The following THSD7B variants were observed in gnomAD, a reference collection of about 807,000 sequenced individuals.
THSD7B encodes thrombospondin type-1 domain-containing protein 7B.
In THSD7B, 138 loss-of-function variants were observed where a neutral mutation model predicts 213.6. The observed-to-expected ratio is 0.65, with a 90% confidence interval of 0.56 to 0.74. THSD7B has a LOEUF of 0.74. Ranked by LOEUF, THSD7B falls within the 30% of genes least tolerant of loss-of-function variation. The pLI, the probability that THSD7B is intolerant of heterozygous loss-of-function variation, is 0.00. For synonymous variants in THSD7B, 742 were observed against 687.0 expected (o/e 1.08, Z -1.25); for missense variants, 1,931 against 1,991.5 (o/e 0.97, Z 0.58).
intron 14 of THSD7B, among the ~76,000 whole-genome samples, chr2:137,443,807 G>T (rs145676103): frequency 6.6e-6 from 1 of 152,114 alleles, no homozygotes; most frequent in African/African-American, 2.4e-5. Flanking sequence ...GATTTTCCTG[G>T]TGGATGTAAT....
chr2:137,183,434 G>A (rs1680491932), intron 7 of THSD7B, among the ~76,000 whole-genome samples: 1 of 152,156 alleles, frequency 6.6e-6, no homozygotes, highest in Non-Finnish European at 1.5e-5. Flanking sequence ...CAAGAGTGGA[G>A]TGTCTGGTAA....
chr2:137,150,971 G>A lies in THSD7B; in HGVS notation c.1370-9242G>A, dbSNP rs140658875. Among the ~76,000 whole-genome samples, 561 of 152,250 alleles carry A rather than the reference G, an allele frequency of 3.7e-3. 6 individuals carry two copies. The highest frequency in any genetic ancestry group is 5.8e-3 in the Admixed American group (89 of 15,296). On this transcript the variant is annotated intron_variant, in intron 5 of 27. Coordinates refer to ENST00000409968, the MANE Select transcript of THSD7B (RefSeq NM_001316349.2). ...TTAAAACCCGGCACATCTGTGTAGG[G>A]CACTTACATGAATTGGGCTCGTAGG...
chr2:137,565,392 A>T (rs1230016855), intron 16 of THSD7B, among the ~76,000 whole-genome samples: 1 of 152,148 alleles, frequency 6.6e-6, no homozygotes, highest in African/African-American at 2.4e-5. Flanking sequence ...ACATGGTTGG[A>T]AAGTAGAAGG....
chr2:137,586,206 C>T (rs1681722579), intron 17 of THSD7B, among the ~76,000 whole-genome samples: 1 of 152,172 alleles, frequency 6.6e-6, no homozygotes, highest in African/African-American at 2.4e-5. Flanking sequence ...TCCTCCATCC[C>T]TTTCTTTTGA....
At chr2:137,410,272 T>C (rs961178718) in intron 13 of THSD7B, among the ~76,000 whole-genome samples, 1 of 152,168 alleles carries the variant, frequency 6.6e-6, no homozygotes, top group South Asian at 2.1e-4. Context: ...GAAATTCTTT[T>C]TTTTTTTCTT....
intron 12 of THSD7B, among the ~76,000 whole-genome samples, chr2:137,331,880 C>T (rs946218802): frequency 3.3e-5 from 5 of 152,244 alleles, no homozygotes; most frequent in South Asian, 2.1e-4. Context: ...CCGGGGCCGG[C>T]GGGGCCGGCC....
intron 2 of THSD7B, among the ~76,000 whole-genome samples, chr2:136,890,314 T>C (rs71348720): frequency 6.4e-3 from 9 of 1,412 alleles, no homozygotes; most frequent in Admixed American, 0.021. Flanking sequence ...CTTCTTCTTC[T>C]TCTTCTTCTT....
At chr2:137,299,560 G>A (rs1300435552) in intron 12 of THSD7B, among the ~76,000 whole-genome samples, 1 of 152,124 alleles carries the variant, frequency 6.6e-6, no homozygotes, top group African/African-American at 2.4e-5. Flanking sequence ...AGAATTCTGA[G>A]ATTTCCCAAG....
At chr2:137,654,358 G>T (rs1256715677) in intron 21 of THSD7B, among the ~76,000 whole-genome samples, 1 of 152,168 alleles carries the variant, frequency 6.6e-6, no homozygotes, top group Non-Finnish European at 1.5e-5. Context: ...ATGAATTACA[G>T]AACAGAGTTT....
At chr2:137,546,432 A>AT (rs1558834378) in intron 15 of THSD7B, among the ~76,000 whole-genome samples, 1 of 30,330 alleles carries the variant, frequency 3.3e-5, no homozygotes, top group Non-Finnish European at 5.0e-5. Context: ...TATTATATAT[A>AT]TATTATATAT....
chr2:137,047,578 A>G (rs1026460759), intron 2 of THSD7B, among the ~76,000 whole-genome samples: 2 of 152,184 alleles, frequency 1.3e-5, no homozygotes, highest in African/African-American at 4.8e-5. Flanking sequence ...GGAGCCATGC[A>G]GGAGGGGTGC....
At chr2:136,848,487 A>C (rs1258563374) in intron 1 of THSD7B, among the ~76,000 whole-genome samples, 1 of 152,182 alleles carries the variant, frequency 6.6e-6, no homozygotes, top group Non-Finnish European at 1.5e-5. Context: ...GCAAAAGAAC[A>C]TAGGATAAAA....
At chr2:137,361,506 A>T (rs548879068) in intron 12 of THSD7B, among the ~76,000 whole-genome samples, 1 of 152,320 alleles carries the variant, frequency 6.6e-6, no homozygotes, top group South Asian at 2.1e-4. Flanking sequence ...ACGAATGGCT[A>T]ACTAGAATAA....
intron 15 of THSD7B, among the ~76,000 whole-genome samples, chr2:137,459,620 G>A (rs1240932132): frequency 1.3e-5 from 2 of 151,828 alleles, no homozygotes; most frequent in Admixed American, 6.6e-5. Context: ...AGCTGAGATC[G>A]CACCACTGCA....
chr2:137,617,645 A>G (rs1682431589), intron 18 of THSD7B, among the ~76,000 whole-genome samples: 1 of 152,204 alleles, frequency 6.6e-6, no homozygotes, highest in African/African-American at 2.4e-5. Context: ...AGTTTACATA[A>G]AAGATTGGTG....
intron 2 of THSD7B, among the ~76,000 whole-genome samples, chr2:137,042,402 C>CT (rs1210978347): frequency 6.6e-6 from 1 of 151,974 alleles, no homozygotes; most frequent in Non-Finnish European, 1.5e-5. Flanking sequence ...CTCTCTCTCT[C>CT]TTTTTTTTCC....
At chr2:137,444,550 G>A (rs1687486930) in intron 14 of THSD7B, among the ~76,000 whole-genome samples, 1 of 151,370 alleles carries the variant, frequency 6.6e-6, no homozygotes, top group Non-Finnish European at 1.5e-5. Context: ...AAATATATAA[G>A]CTAGAAAACT....
At chr2:136,997,227 T>C (rs1370573680) in intron 2 of THSD7B, among the ~76,000 whole-genome samples, 1 of 152,190 alleles carries the variant, frequency 6.6e-6, no homozygotes, top group African/African-American at 2.4e-5. Flanking sequence ...TTCTTTCCTT[T>C]AGTCTACTCC....
chr2:137,389,851 G>A (rs1685981005), intron 12 of THSD7B, among the ~76,000 whole-genome samples: 2 of 152,012 alleles, frequency 1.3e-5, no homozygotes, highest in Non-Finnish European at 2.9e-5. Context: ...TATGTTATTA[G>A]TACCTTTGTA....
Sources: gnomAD v4.1 joint callset for allele counts (sites outside exome capture counted in the v4.1 genomes callset) on GRCh38, gnomAD v4.1.1 for gene constraint, MANE v1.5 for transcripts, NCBI Gene and HGNC (gene_info 2026-07-23, HGNC 2026-07-21) for gene names.